The following DIS3L2 variants were observed in gnomAD, a reference collection of about 807,000 sequenced individuals.
The protein encoded by DIS3L2 is DIS3 like 3'-5' exoribonuclease 2.
Under a neutral mutation model 97.5 loss-of-function variants are expected in DIS3L2, and 34 were observed. That is an observed-to-expected ratio of 0.35 (90% CI 0.27 to 0.46). DIS3L2 has a LOEUF of 0.46. DIS3L2 is among the 20% of genes least tolerant of loss of function. DIS3L2 has a pLI of 1.00. For missense variants in DIS3L2, 1,038 were observed against 1,146.0 expected (o/e 0.91, Z 1.36); for synonymous variants, 435 against 445.2 (o/e 0.98, Z 0.29).
chr2:232,339,702 C>T (rs138885904), downstream of DIS3L2: 31 of 456,132 alleles, frequency 6.8e-5, no homozygotes, highest in African/African-American at 2.6e-4. Flanking sequence ...CATGCAGGGC[C>T]GGGGTGGGAA....
intron 6 of DIS3L2, among the ~76,000 whole-genome samples, chr2:232,125,663 G>T (rs1698044556): frequency 6.6e-6 from 1 of 152,166 alleles, no homozygotes; most frequent in Non-Finnish European, 1.5e-5. Flanking sequence ...AGTGAAATTT[G>T]CTTAGGCCTA....
intron 1 of DIS3L2, among the ~76,000 whole-genome samples, chr2:231,989,812 G>C (rs114872085): frequency 0.01 from 1,536 of 152,236 alleles, 20 homozygotes; most frequent in African/African-American, 0.035. Context: ...CCTAGCCTGG[G>C]TGACAGAGTG....
intron 9 of DIS3L2, among the ~76,000 whole-genome samples, chr2:232,197,314 A>C (rs886962368): frequency 2.0e-5 from 3 of 152,206 alleles, no homozygotes; most frequent in African/African-American, 7.2e-5. Context: ...CATATTAACT[A>C]TGTCACTTCT....
intron 11 of DIS3L2, among the ~76,000 whole-genome samples, chr2:232,247,616 C>CGAGGGGGGGGGGGGGG (rs1693289516): frequency 1.5e-4 from 1 of 6,518 alleles, no homozygotes; most frequent in African/African-American, 3.1e-4. Flanking sequence ...ATAACTGCCG[C>CGAGGGGGGGGGGGGGG]GGGGGGGGGG....
intron 10 of DIS3L2, among the ~76,000 whole-genome samples, chr2:232,210,850 A>G (rs932431225): frequency 5.8e-5 from 8 of 137,842 alleles, no homozygotes; most frequent in African/African-American, 2.2e-4. Context: ...GGTAGCAGGA[A>G]CACCTTCCCT....
intron 13 of DIS3L2, among the ~76,000 whole-genome samples, chr2:232,342,452 TAACA>T (rs903083353): frequency 5.9e-5 from 9 of 152,232 alleles, no homozygotes; most frequent in African/African-American, 1.9e-4. Context: ...CTGTTTGTTT[TAACA>T]AACCTTGTAG....
intron 9 of DIS3L2, among the ~76,000 whole-genome samples, chr2:232,190,234 T>C (rs945534003): frequency 2.0e-5 from 3 of 152,116 alleles, no homozygotes; most frequent in African/African-American, 7.2e-5. Context: ...CTCAGGAGGC[T>C]GAGATGGGAG....
At chr2:232,221,101 CA>C (rs373784144) in intron 10 of DIS3L2, among the ~76,000 whole-genome samples, 64 of 97,564 alleles carry the variant, frequency 6.6e-4, no homozygotes, top group East Asian at 3.0e-3. Flanking sequence ...GACTTCATCT[CA>C]AAAAAAAAAA....
chr2:232,225,269 A>G (rs1205273472), intron 10 of DIS3L2, among the ~76,000 whole-genome samples: 6 of 152,234 alleles, frequency 3.9e-5, no homozygotes, highest in African/African-American at 1.2e-4. Flanking sequence ...AGGTGTATAT[A>G]TGTACAGGAA....
At position 232,281,316 on chromosome 2, in the gene DIS3L2, G is replaced by A. The variant is rs888024859; in HGVS notation, c.1659+17876G>A. ...TGGGAGGCTGAGGCAGGAGAAGGGC[G>A]TGAACCCGGGAGGCGGAGCTTGCAG... On this transcript the variant is annotated intron_variant, in intron 13 of 20. Transcript: ENST00000325385. The surrounding 1 kb of genome is among the most constrained non-coding windows in gnomAD (Gnocchi z 4.1). Among the ~76,000 whole-genome samples, 16 of 152,154 alleles carry A rather than the reference G, an allele frequency of 1.1e-4. No homozygotes were observed. The highest frequency in any genetic ancestry group is 2.2e-4 in the African/African-American group (9 of 41,434).
intron 5 of DIS3L2, among the ~76,000 whole-genome samples, chr2:232,034,263 T>C (rs1254602548): frequency 2.6e-5 from 4 of 152,208 alleles, no homozygotes; most frequent in African/African-American, 9.6e-5. Context: ...TAGAGGTGTT[T>C]ATAGTATTCT....
intron 14 of DIS3L2, among the ~76,000 whole-genome samples, chr2:232,323,974 T>C (rs538920202): frequency 3.9e-5 from 6 of 151,966 alleles, no homozygotes; most frequent in Non-Finnish European, 8.8e-5. Context: ...CCAAGATCTC[T>C]TCCACTTTCC....
chr2:232,293,123 G>A lies in DIS3L2; in HGVS notation c.1660-6917G>A, dbSNP rs559003396. Among the ~76,000 whole-genome samples the A allele has an allele frequency of 4.2e-4, 64 of 152,216 alleles. No individual in the cohort carries two copies. Among genetic ancestry groups the A allele is most frequent in the African/African-American group, 1.4e-3 (58 of 41,524 alleles). On this transcript the variant is annotated intron_variant, in intron 13 of 20. Coordinates refer to ENST00000325385, the MANE Select transcript of DIS3L2 (RefSeq NM_152383.5). The surrounding 1 kb of genome is among the most constrained non-coding windows in gnomAD (Gnocchi z 4.6). The stretch of plus-strand genomic sequence containing the variant: ...CGCTGCTGCTGCCTGGTTCCTTGCC[G>A]TGCCTGATAGCTAGGAAGTATCTAG...
At chr2:232,294,337 A>G (rs901840230) in intron 13 of DIS3L2, among the ~76,000 whole-genome samples, 3 of 152,200 alleles carry the variant, frequency 2.0e-5, no homozygotes, top group African/African-American at 7.2e-5. Flanking sequence ...GAGTGAAAGT[A>G]GGCCATCCTT....
At chr2:232,017,299 A>G (rs901460546) in intron 3 of DIS3L2, among the ~76,000 whole-genome samples, 20 of 152,200 alleles carry the variant, frequency 1.3e-4, no homozygotes, top group Admixed American at 4.6e-4. Flanking sequence ...GGGTTTCACC[A>G]TGTTGGCCAG....
intron 16 of DIS3L2, 120 bp from the exon 17 acceptor site, chr2:232,333,720 G>C (rs1247373689): frequency 2.1e-6 from 3 of 1,397,294 alleles, no homozygotes; most frequent in Non-Finnish European, 2.8e-6. Context: ...TCAGCAACCA[G>C]CAGCCCATTA....
At chr2:232,009,249 G>A (rs796090429) in intron 1 of DIS3L2, among the ~76,000 whole-genome samples, 4 of 152,264 alleles carry the variant, frequency 2.6e-5, no homozygotes, top group African/African-American at 9.6e-5. Context: ...CCCCTTCCAT[G>A]TATGGGTCAC....
chr2:232,114,907 G>A (rs79019486), intron 6 of DIS3L2, among the ~76,000 whole-genome samples: 1 of 152,128 alleles, frequency 6.6e-6, no homozygotes, highest in Non-Finnish European at 1.5e-5. Flanking sequence ...GAAGTCCAAG[G>A]TCAAGGGGCT....
chr2:232,025,361 T>C (rs756278245), intron 4 of DIS3L2, among the ~76,000 whole-genome samples: 3 of 152,206 alleles, frequency 2.0e-5, no homozygotes, highest in Non-Finnish European at 4.4e-5. Context: ...TTTCAGATTT[T>C]ATATGCTCAA....
Sources: allele counts gnomAD v4.1 joint callset (sites outside exome capture counted in the v4.1 genomes callset), GRCh38; gene constraint gnomAD v4.1.1; non-coding constraint Gnocchi (gnomAD v3.1); transcripts MANE v1.5; gene names NCBI Gene and HGNC (gene_info 2026-07-23, HGNC 2026-07-21).